The following GPR158 variants were observed in gnomAD, a reference collection of about 807,000 sequenced individuals.
GPR158 encodes the protein metabotropic glycine receptor.
GPR158 carries 30 observed loss-of-function variants against 78.2 expected under a neutral mutation model. That is an observed-to-expected ratio of 0.38 (90% confidence interval 0.29 to 0.52). GPR158 has a LOEUF of 0.52. Among genes scored for constraint, GPR158 ranks in the 20% least tolerant of loss-of-function variants. The pLI, the probability that GPR158 is intolerant of heterozygous loss-of-function variation, is 0.83. For synonymous variants in GPR158, 581 were observed against 591.1 expected (o/e 0.98, Z 0.25); for missense variants, 1,463 against 1,523.5 (o/e 0.96, Z 0.66).
intron 4 of GPR158, among the ~76,000 whole-genome samples, chr10:25,425,222 T>C (rs1356026859): frequency 1.3e-5 from 2 of 152,192 alleles, no homozygotes; most frequent in Non-Finnish European, 2.9e-5. Flanking sequence ...TTTTTGAACA[T>C]TGATTTTGTA....
Position 25,337,384 on chromosome 10 carries a change from T to A in GPR158, c.1009-58527T>A, listed in dbSNP as rs553858920. ...ATAGATAAATATTTCTGTCTTTGAA[T>A]GTTATGTTTAGATCATGTAACATGC... On this transcript the variant is annotated intron_variant, in intron 2 of 10. Coordinates refer to ENST00000376351, the MANE Select transcript of GPR158 (RefSeq NM_020752.3). Among the ~76,000 whole-genome samples the A allele has an allele frequency of 2.0e-5, 3 of 152,260 alleles. No individual in the cohort carries two copies. In the East Asian group the frequency reaches 5.8e-4, roughly 29 times the overall value.
At chr10:25,415,045 G>A (rs768613958) in intron 4 of GPR158, among the ~76,000 whole-genome samples, 3 of 152,180 alleles carry the variant, frequency 2.0e-5, no homozygotes, top group South Asian at 2.1e-4. Flanking sequence ...ATCATAGATC[G>A]AAATGAGAGA....
At chr10:25,365,446 C>A (rs1167693815) in intron 2 of GPR158, among the ~76,000 whole-genome samples, 1 of 151,636 alleles carries the variant, frequency 6.6e-6, no homozygotes, top group Non-Finnish European at 1.5e-5. Flanking sequence ...CAAAATTTCA[C>A]TGGGGAAATG....
At chr10:25,368,606 GAAAAAGGACTGCTTATACTC>G (rs1448039887) in intron 2 of GPR158, among the ~76,000 whole-genome samples, 1 of 151,848 alleles carries the variant, frequency 6.6e-6, no homozygotes, top group African/African-American at 2.4e-5. Flanking sequence ...AGGTTGCAGA[GAAAAAGGACTGCTTATACTC>G]TGTTGGTGGG....
intron 1 of GPR158, among the ~76,000 whole-genome samples, chr10:25,185,481 G>C (rs552045580): frequency 1.3e-5 from 2 of 152,228 alleles, no homozygotes; most frequent in East Asian, 3.9e-4. Flanking sequence ...CTACCTACAT[G>C]GTTAAATGTT....
At chr10:25,292,484 T>C (rs1290364752) in intron 2 of GPR158, among the ~76,000 whole-genome samples, 2 of 151,632 alleles carry the variant, frequency 1.3e-5, no homozygotes, top group African/African-American at 2.4e-5. Flanking sequence ...TTCATTGATG[T>C]AGTTATGCTG....
At chr10:25,286,139 G>T (rs1854348567) in intron 2 of GPR158, among the ~76,000 whole-genome samples, 2 of 151,520 alleles carry the variant, frequency 1.3e-5, no homozygotes, top group African/African-American at 4.9e-5. Context: ...CCTTTTTCTT[G>T]TATTTTAGTA....
chr10:25,241,677 C>T (rs889016143), intron 2 of GPR158, among the ~76,000 whole-genome samples: 2 of 152,170 alleles, frequency 1.3e-5, no homozygotes, highest in African/African-American at 4.8e-5. Context: ...CCACCTTGGC[C>T]TCCCAAAGTG....
chr10:25,449,226 C>G (rs563048480), intron 4 of GPR158, among the ~76,000 whole-genome samples: 1 of 152,198 alleles, frequency 6.6e-6, no homozygotes, highest in Non-Finnish European at 1.5e-5. Flanking sequence ...TCAACAACTT[C>G]CTGCCAGATC....
intron 3 of GPR158, among the ~76,000 whole-genome samples, chr10:25,401,701 C>T (rs186227220): frequency 4.3e-4 from 66 of 152,044 alleles, no homozygotes; most frequent in African/African-American, 1.5e-3. Context: ...TATTAAAGAC[C>T]TCTGGCAGGG....
chr10:25,256,140 C>A (rs1349157728), intron 2 of GPR158, among the ~76,000 whole-genome samples: 1 of 150,858 alleles, frequency 6.6e-6, no homozygotes, highest in Non-Finnish European at 1.5e-5. Flanking sequence ...TATCTGGTGG[C>A]ACTTGCCATA....
In GPR158 at chr10:25,397,838, A is replaced by C. The variant is rs374068425; in HGVS notation, c.1111+1825A>C. On this transcript the variant is annotated intron_variant, in intron 3 of 10. Coordinates refer to ENST00000376351, the MANE Select transcript of GPR158 (RefSeq NM_020752.3). Reference sequence around the variant, plus strand: ...TGCTTAGGTTCTGTTATTTAGCAACATAAGAGAGTGAGGATATAGTCACTT... The same window carrying C: ...TGCTTAGGTTCTGTTATTTAGCAACCTAAGAGAGTGAGGATATAGTCACTT... 4.6e-5 allele frequency among the ~76,000 whole-genome samples: 7 copies of C among 152,312 alleles called. No homozygotes were observed. In the East Asian group the frequency reaches 9.6e-4, roughly 21 times the overall value.
rs1246327681 is a variant in GPR158, at chr10:25,600,517, TG to T, written c.*1244del. ...AAAATTATGGTAGCATCAAGATCAT[TG>T]TATGGATATATTTTTATTATGTGTA... On this transcript the variant is annotated 3_prime_UTR_variant, in exon 11 of 11. Transcript: ENST00000376351. 1 of 152,270 alleles carries T rather than the reference TG, an allele frequency of 6.6e-6. No individual in the cohort carries two copies. The highest frequency in any genetic ancestry group is 1.5e-5 in the Non-Finnish European group (1 of 68,032). 9.4% of individuals were successfully genotyped at this position (152,270 alleles called of 1,614,324 possible). A position where few individuals can be genotyped will look rare whatever the true frequency, so the allele number is the denominator to read the frequency against.
chr10:25,330,951 T>A (rs1855111209), intron 2 of GPR158, among the ~76,000 whole-genome samples: 1 of 152,312 alleles, frequency 6.6e-6, no homozygotes, highest in South Asian at 2.1e-4. Flanking sequence ...TTTTGTTTAT[T>A]TACTTTGGAG....
chr10:25,321,767 T>G (rs1050165069), intron 2 of GPR158, among the ~76,000 whole-genome samples: 1 of 152,116 alleles, frequency 6.6e-6, no homozygotes, highest in African/African-American at 2.4e-5. Context: ...GAGTTGTATA[T>G]AGGTGTCCTT....
chr10:25,435,516 G>A (rs1277951788), intron 4 of GPR158, among the ~76,000 whole-genome samples: 1 of 152,150 alleles, frequency 6.6e-6, no homozygotes, highest in African/African-American at 2.4e-5. Context: ...GCAGCTTGAA[G>A]TGTCCTAGAA....
chr10:25,453,983 G>T (rs116150703), intron 4 of GPR158, among the ~76,000 whole-genome samples: 1 of 152,092 alleles, frequency 6.6e-6, no homozygotes, highest in Non-Finnish European at 1.5e-5. Context: ...TTGGAATTTT[G>T]ATAGAGATTG....
At chr10:25,479,577 G>A (rs1176178520) in intron 5 of GPR158, among the ~76,000 whole-genome samples, 2 of 151,960 alleles carry the variant, frequency 1.3e-5, no homozygotes, top group African/African-American at 2.4e-5. Context: ...ACCTCACCTG[G>A]CTAGTTTTTG....
At chr10:25,290,934 T>C (rs1229963543) in intron 2 of GPR158, among the ~76,000 whole-genome samples, 1 of 152,022 alleles carries the variant, frequency 6.6e-6, no homozygotes, top group Non-Finnish European at 1.5e-5. Context: ...GTAATAAAAA[T>C]TTAACCAAAT....
Sources: allele counts gnomAD v4.1 joint callset (sites outside exome capture counted in the v4.1 genomes callset), GRCh38; gene constraint gnomAD v4.1.1; transcripts MANE v1.5; gene names NCBI Gene and HGNC (gene_info 2026-07-23, HGNC 2026-07-21).